Variants in AFF3 observed in about 807,000 individuals in gnomAD.
AFF3 encodes the protein ALF transcription elongation factor 3.
A neutral mutation model predicts 129.7 loss-of-function variants in AFF3; 32 were observed. The ratio of observed to expected loss-of-function variants is 0.25; its 90% CI spans 0.19 to 0.33. The LOEUF is 0.33. Among genes scored for constraint, AFF3 ranks in the 10% least tolerant of loss-of-function variants. AFF3 has a pLI of 1.00. For synonymous variants in AFF3, 644 were observed against 635.4 expected, an observed-to-expected ratio of 1.01 and a Z score of -0.20; for missense variants, 1,373 against 1,592.0, an observed-to-expected ratio of 0.86 and a Z score of 2.34.
At chr2:99,640,187 T>C (rs994972553) in intron 13 of AFF3, among the ~76,000 whole-genome samples, 2 of 152,232 alleles carry the variant, frequency 1.3e-5, no homozygotes, top group African/African-American at 4.8e-5. Flanking sequence ...TTGTTGATAC[T>C]TGTTTTTCTA....
intron 11 of AFF3, among the ~76,000 whole-genome samples, chr2:99,679,786 T>C (rs183100147): frequency 1.8e-4 from 27 of 152,282 alleles, no homozygotes; most frequent in African/African-American, 5.5e-4. Context: ...CCCTAGACAT[T>C]GTTTCCACAT....
At chr2:100,107,588 C>CTAAGGCAGCTTCATAGAA (rs1691361024) in intron 2 of AFF3, 1 of 844,162 alleles carries the variant, frequency 1.2e-6, no homozygotes. Context: ...TGGATGCAAG[C>CTAAGGCAGCTTCATAGAA]AACACCCCTG....
At chr2:100,141,702 A>G (rs1692884583) in intron 1 of AFF3, among the ~76,000 whole-genome samples, 1 of 152,178 alleles carries the variant, frequency 6.6e-6, no homozygotes, top group Non-Finnish European at 1.5e-5. Flanking sequence ...ACATATTAGG[A>G]AAAAAACCCC....
intron 8 of AFF3, among the ~76,000 whole-genome samples, chr2:99,805,815 C>CAT (rs1296885567): frequency 3.2e-4 from 39 of 122,090 alleles, no homozygotes; most frequent in African/African-American, 2.0e-3. Flanking sequence ...AGGAGTCTTA[C>CAT]ACACACACAC....
At chr2:99,733,847 A>T (rs1473552154) in intron 10 of AFF3, among the ~76,000 whole-genome samples, 1 of 152,182 alleles carries the variant, frequency 6.6e-6, no homozygotes, top group Non-Finnish European at 1.5e-5. Flanking sequence ...ATATATATTT[A>T]AAAATATTCG....
intron 13 of AFF3, among the ~76,000 whole-genome samples, chr2:99,648,909 A>ACTCTCTCTCTCT (rs1553416890): frequency 0.059 from 2,499 of 42,536 alleles, 34 homozygotes; most frequent in Non-Finnish European, 0.08. Flanking sequence ...ACACACACAC[A>ACTCTCTCTCTCT]CACACACACT....
intron 4 of AFF3, among the ~76,000 whole-genome samples, chr2:100,032,526 T>C (rs995401807): frequency 2.0e-5 from 3 of 152,198 alleles, no homozygotes; most frequent in Admixed American, 1.3e-4. Context: ...TTCTCAAAGT[T>C]ATAACCAATT....
intron 13 of AFF3, among the ~76,000 whole-genome samples, chr2:99,618,918 A>ATTCG (rs1243664461): frequency 6.6e-6 from 1 of 151,934 alleles, no homozygotes; most frequent in Non-Finnish European, 1.5e-5. Context: ...TCATTCATTC[A>ATTCG]TTCATTCATT....
At chr2:99,910,118 G>T (rs1179372937) in intron 7 of AFF3, among the ~76,000 whole-genome samples, 1 of 152,152 alleles carries the variant, frequency 6.6e-6, no homozygotes, top group African/African-American at 2.4e-5. Context: ...GGATTGAAAA[G>T]AGCATTACTA....
chr2:100,132,821 G>C (rs1179494507), intron 1 of AFF3, among the ~76,000 whole-genome samples: 1 of 151,664 alleles, frequency 6.6e-6, no homozygotes, highest in South Asian at 2.1e-4. Context: ...TCTTGTTTTG[G>C]ATTAAGTAAA....
At chr2:100,007,044 G>T in intron 6 of AFF3, 27 bp from the exon 7 acceptor site, 2 of 1,594,600 alleles carry the variant, frequency 1.3e-6, no homozygotes, top group South Asian at 1.1e-5. Context: ...AGAAGAGGAA[G>T]ATAAGGATGA....
chr2:99,554,382 C>T lies in AFF3; in HGVS notation c.3488G>A (p.Ser1163Asn), dbSNP rs773610524. 5.0e-6 allele frequency: 8 copies of T among 1,614,178 alleles called. No homozygotes were observed. The highest frequency in any genetic ancestry group is 6.8e-6 in the Non-Finnish European group (8 of 1,180,038). The change falls in exon 24 of 25, where the codon AGC (serine) becomes AAC (asparagine). Residue 1163 changes from serine (S) to asparagine (N), a missense_variant. By Grantham distance (46) the Ser-to-Asn change is conservative. Around this residue, in one of 9 missense-constraint regions of AFF3, gnomAD observed 165 missense variants for 234.0 expected, o/e 0.71. Coordinates refer to ENST00000672756, the MANE Select transcript of AFF3 (RefSeq NM_001386135.1). ...GCTGTGCAGGATGCTGTTGGTGATG[C>T]TGACGTGGTTGGCCGCCATCTGGTG... Reference protein sequence around the residue: ...RIHQMAANHVSITNSILHSYD... With the variant: ...RIHQMAANHVNITNSILHSYD...
chr2:99,720,528 C>T (rs1240979674), intron 11 of AFF3, among the ~76,000 whole-genome samples: 1 of 152,180 alleles, frequency 6.6e-6, no homozygotes, highest in Non-Finnish European at 1.5e-5. Flanking sequence ...ATACAGCCTG[C>T]AGAACCGCGA....
chr2:99,946,776 A>G (rs761068847), intron 7 of AFF3, among the ~76,000 whole-genome samples: 37 of 152,192 alleles, frequency 2.4e-4, no homozygotes, highest in Admixed American at 4.6e-4. Context: ...GTTGTGTAGG[A>G]TAAGTCATAC....
intron 4 of AFF3, among the ~76,000 whole-genome samples, chr2:100,026,491 G>T (rs1302023278): frequency 6.6e-6 from 1 of 152,064 alleles, no homozygotes; most frequent in East Asian, 1.9e-4. Flanking sequence ...ACAGTGTGGA[G>T]ATTCCTTAAA....
intron 7 of AFF3, among the ~76,000 whole-genome samples, chr2:99,914,578 A>C (rs1193601083): frequency 6.6e-6 from 1 of 152,150 alleles, no homozygotes; most frequent in African/African-American, 2.4e-5. Flanking sequence ...ATGTAAGAGG[A>C]TATTCTTGCT....
At chr2:100,058,223 G>A (rs995960714) in intron 4 of AFF3, among the ~76,000 whole-genome samples, 4 of 152,272 alleles carry the variant, frequency 2.6e-5, no homozygotes, top group Admixed American at 6.5e-5. Context: ...GGAAATTGAG[G>A]CTCAGAGGAA....
intron 13 of AFF3, among the ~76,000 whole-genome samples, chr2:99,645,030 T>C (rs1684568858): frequency 6.6e-6 from 1 of 152,210 alleles, no homozygotes; most frequent in South Asian, 2.1e-4. Context: ...ATTGGCTTCT[T>C]TACTTTGTCA....
At chr2:99,905,845 T>C (rs1694679241) in intron 7 of AFF3, among the ~76,000 whole-genome samples, 3 of 152,168 alleles carry the variant, frequency 2.0e-5, no homozygotes, top group Admixed American at 6.5e-5. Flanking sequence ...ATGACTCCAT[T>C]TGGTATTCAT....
Sources: allele counts gnomAD v4.1 joint callset (sites outside exome capture counted in the v4.1 genomes callset), GRCh38; gene constraint gnomAD v4.1.1; regional missense constraint gnomAD v4.1.1; transcripts MANE v1.5; gene names NCBI Gene and HGNC (gene_info 2026-07-23, HGNC 2026-07-21).